The following RGP1 variants were observed in gnomAD, a reference collection of about 807,000 sequenced individuals.
RGP1 encodes the protein RGP1 partner of RAB6A GEF complex.
RGP1 carries 28 observed loss-of-function variants against 44.5 expected under a neutral mutation model. The observed-to-expected ratio is 0.63, with a 90% confidence interval of 0.47 to 0.86. The LOEUF (loss-of-function observed/expected upper bound fraction) is 0.86, where lower values mean the gene tolerates loss of function less well. RGP1 is among the 40% of genes least tolerant of loss of function. The pLI is 0.00. For synonymous variants in RGP1, 212 were observed against 196.7 expected, an observed-to-expected ratio of 1.08 and a Z score of -0.65; for missense variants, 417 against 490.7, an observed-to-expected ratio of 0.85 and a Z score of 1.42.
At chr9:35,769,914 A>G in the RGP1 span, among the ~76,000 whole-genome samples, 3 of 152,202 alleles carry the variant, frequency 2.0e-5, no homozygotes, top group Admixed American at 6.5e-5. Context: ...AAAAATTTTA[A>G]TGTAGTTCAA....
Position 35,754,006 on chromosome 9 carries a change from C to T in RGP1, c.*1132C>T, listed in dbSNP as rs1416135154. ...ACGCTTCACCCCACTTTACCTTGAGCTTGGAAGTAGCACTTGCTGTAGACT... is the reference window on the plus strand; with the variant it reads ...ACGCTTCACCCCACTTTACCTTGAGTTTGGAAGTAGCACTTGCTGTAGACT... On this transcript the variant is annotated 3_prime_UTR_variant, in exon 9 of 9. Coordinates refer to ENST00000378078, the MANE Select transcript of RGP1 (RefSeq NM_001080496.3). The T allele has an allele frequency of 6.2e-7, 1 of 1,613,016 alleles. No individual in the cohort carries two copies.
chr9:35,754,301 A>G lies in RGP1; in HGVS notation c.*1427A>G, dbSNP rs754476388. 2 of 795,924 alleles carry G rather than the reference A, an allele frequency of 2.5e-6. No individual in the cohort carries two copies. Among genetic ancestry groups the G allele is most frequent in the Non-Finnish European group, 3.7e-6 (2 of 537,380 alleles). 49.3% of individuals were successfully genotyped at this position (795,924 alleles called of 1,614,324 possible). A position where few individuals can be genotyped will look rare whatever the true frequency, so the allele number is the denominator to read the frequency against. On this transcript the variant is annotated 3_prime_UTR_variant, in exon 9 of 9. Transcript: ENST00000378078. ...CTGCTCTCACAGGCTGGGGATGTTT[A>G]TAAAGTGAGGACCCTGGCCCCCTGC...
chr9:35,781,778 A>G, the RGP1 span, among the ~76,000 whole-genome samples: 2 of 151,876 alleles, frequency 1.3e-5, no homozygotes, highest in Non-Finnish European at 1.5e-5. Context: ...TGCTTATCCT[A>G]ACACTGGTGT....
chr9:35,778,816 G>A, the RGP1 span, among the ~76,000 whole-genome samples: 2 of 152,072 alleles, frequency 1.3e-5, no homozygotes, highest in South Asian at 2.1e-4. Flanking sequence ...AAAATGTTGT[G>A]GAATAATATG....
At position 35,753,114 on chromosome 9, in the gene RGP1, G is replaced by A. The variant is rs533987231; in HGVS notation, c.*240G>A. 18 of 1,614,016 alleles carry A rather than the reference G, an allele frequency of 1.1e-5. No individual in the cohort carries two copies. The South Asian group carries it at 1.4e-4, about 13-fold the overall frequency. On this transcript the variant is annotated 3_prime_UTR_variant, in exon 9 of 9. Transcript: ENST00000378078. The surrounding 1 kb of genome is among the most constrained non-coding windows in gnomAD (Gnocchi z 4.2). ...ATCAGTTGAGTTTAGCTGGAGTGGG[G>A]AGCAGGAGCCCCAGGAACAGGGGTG...
chr9:35,755,477 C>A lies in RGP1; in HGVS notation c.*2603C>A, dbSNP rs1009508130. The A allele has an allele frequency of 6.6e-6, 1 of 152,276 alleles. No individual in the cohort carries two copies. The highest frequency in any genetic ancestry group is 6.5e-5 in the Admixed American group (1 of 15,292). The allele number at this position is 152,276 out of a possible 1,614,324, so 9.4% of individuals were successfully genotyped here. ...ATACTCCTTGTCAGCAGTCCCCAAC[C>A]TTTTTGGTACCAGGGACCGGTTTTG... On this transcript the variant is annotated 3_prime_UTR_variant, in exon 9 of 9. Transcript: ENST00000378078.
chr9:35,787,995 T>G, the RGP1 span, among the ~76,000 whole-genome samples: 1 of 152,344 alleles, frequency 6.6e-6, no homozygotes, highest in East Asian at 1.9e-4. Context: ...CATGATCTGG[T>G]GTAGAACAAA....
At chr9:35,779,094 C>A in the RGP1 span, among the ~76,000 whole-genome samples, 1 of 152,050 alleles carries the variant, frequency 6.6e-6, no homozygotes, top group Non-Finnish European at 1.5e-5. Flanking sequence ...GACTAGGGTC[C>A]AAAGCTGGGA....
chr9:35,750,445 C>T, intron 3 of RGP1, 66 bp downstream of exon 3: 10 of 1,560,210 alleles, frequency 6.4e-6, no homozygotes, highest in Non-Finnish European at 8.8e-6. Flanking sequence ...CATTGTCACC[C>T]ATGGGTGAAG....
chr9:35,760,738 C>A (rs188197340), downstream of RGP1, among the ~76,000 whole-genome samples: 25 of 152,270 alleles, frequency 1.6e-4, no homozygotes, highest in African/African-American at 5.8e-4. Flanking sequence ...CCAGGTAATT[C>A]TGCCCTAGGC....
chr9:35,750,423 T>C (rs781528268), intron 3 of RGP1, 44 bp downstream of exon 3: 6 of 1,603,442 alleles, frequency 3.7e-6, no homozygotes, highest in Admixed American at 1.7e-5. Context: ...GTGCGGAGGG[T>C]GTGTGTGGAG....
In RGP1 at chr9:35,750,241, A is replaced by C; in HGVS notation, c.117-2A>C. ...TGATGCCTCCTTTTCCTTTTCCCAC[A>C]GTGAGGCCCTGGCCTGGGCCAGTGC... On this transcript the variant is annotated splice_acceptor_variant, in intron 2 of 8. Transcript: ENST00000378078. LOFTEE classifies it high-confidence loss of function. 1 of 1,612,894 alleles carries C rather than the reference A, an allele frequency of 6.2e-7. No homozygotes were observed. Among genetic ancestry groups the C allele is most frequent in the Non-Finnish European group, 8.5e-7 (1 of 1,179,522 alleles).
intron 6 of RGP1, 65 bp downstream of exon 6, chr9:35,751,477 A>T (rs1301089887): frequency 1.2e-6 from 2 of 1,606,640 alleles, no homozygotes; most frequent in African/African-American, 2.7e-5. Context: ...TCTCAGAGAC[A>T]GTCTCCTAAC....
chr9:35,775,606 G>A, the RGP1 span, among the ~76,000 whole-genome samples: 10 of 152,162 alleles, frequency 6.6e-5, no homozygotes, highest in Admixed American at 6.5e-4. Flanking sequence ...TTCCACATAA[G>A]CTTGCGTTTG....
chr9:35,771,834 T>C, the RGP1 span, among the ~76,000 whole-genome samples: 2 of 152,272 alleles, frequency 1.3e-5, no homozygotes, highest in Non-Finnish European at 2.9e-5. Flanking sequence ...TATCTTCCGT[T>C]TGCCAATTAT....
At chr9:35,783,945 G>A in the RGP1 span, among the ~76,000 whole-genome samples, 1 of 152,120 alleles carries the variant, frequency 6.6e-6, no homozygotes, top group African/African-American at 2.4e-5. Flanking sequence ...CCTCATGAGC[G>A]TTTGTTAATT....
rs763606470 is a variant in RGP1 at position 35,752,812 on chromosome 9, A to G, written c.1114A>G (p.Thr372Ala). Residue 372 changes from threonine to alanine, a missense_variant, in exon 9 of 9, where the codon ACT becomes GCT. Thr to Ala is a moderately conservative substitution (Grantham distance 58). Coordinates refer to ENST00000378078, the MANE Select transcript of RGP1 (RefSeq NM_001080496.3). ...GGACCTGCCCATCAAGGTGCTGCCTACTAGCCCCACCCTGGCCTCATATGC... is the reference window on the plus strand; with the variant it reads ...GGACCTGCCCATCAAGGTGCTGCCTGCTAGCCCCACCCTGGCCTCATATGC... ...SWDLPIKVLP[T>A]SPTLASYAAP... 1.9e-6 allele frequency: 3 copies of G among 1,613,804 alleles called. No homozygotes were observed. In the Admixed American group the frequency reaches 5.0e-5, roughly 27 times the overall value.
Position 35,750,346 on chromosome 9 carries a change from C to T in RGP1, c.220C>T (p.Pro74Ser), listed in dbSNP as rs751797993. ...TGACTCTAGTCAGCCAGATGTCCAGCCCGACAGCCAGACTGTCTTTCTGCC... is the reference window on the plus strand; with the variant it reads ...TGACTCTAGTCAGCCAGATGTCCAGTCCGACAGCCAGACTGTCTTTCTGCC... ...PPDSSQPDVQ[P>S]DSQTVFLPHR... The change falls in exon 3 of 9, where the codon CCC becomes TCC. Residue 74 changes from proline to serine, a missense_variant. Pro to Ser is a moderately conservative substitution (Grantham distance 74). Coordinates refer to ENST00000378078, the MANE Select transcript of RGP1 (RefSeq NM_001080496.3). 4.3e-6 allele frequency: 7 copies of T among 1,613,982 alleles called. No homozygotes were observed. The Middle Eastern group carries it at 8.2e-4, about 190-fold the overall frequency.
chr9:35,782,702 T>C, the RGP1 span, among the ~76,000 whole-genome samples: 1 of 152,040 alleles, frequency 6.6e-6, no homozygotes, highest in African/African-American at 2.4e-5. Context: ...CTCCTTGGCC[T>C]CCCAAAGTGC....
Sources: allele counts gnomAD v4.1 joint callset (sites outside exome capture counted in the v4.1 genomes callset), GRCh38; gene constraint gnomAD v4.1.1; non-coding constraint Gnocchi (gnomAD v3.1); transcripts MANE v1.5; gene names NCBI Gene and HGNC (gene_info 2026-07-23, HGNC 2026-07-21).